Variants in TTLL7 observed in about 807,000 individuals in gnomAD.
TTLL7 encodes tubulin polyglutamylase TTLL7.
Under a neutral mutation model 120.2 loss-of-function variants are expected in TTLL7, and 53 were observed. The ratio of observed to expected loss-of-function variants is 0.44; its 90% CI spans 0.35 to 0.55. TTLL7 has a LOEUF of 0.55. TTLL7 is among the 20% of genes least tolerant of loss of function. TTLL7 has a pLI of 0.00. For missense variants in TTLL7, 803 were observed against 1,054.7 expected, an observed-to-expected ratio of 0.76 and a Z score of 3.31; for synonymous variants, 353 against 351.7, an observed-to-expected ratio of 1.00 and a Z score of -0.04.
chr1:83,872,442 A>C (rs921801311), intron 20 of TTLL7, among the ~76,000 whole-genome samples: 2 of 152,206 alleles, frequency 1.3e-5, no homozygotes, highest in African/African-American at 2.4e-5. Context: ...CTGCCATGAA[A>C]AGGCTATCCT....
At chr1:83,976,051 GTGTGTGTGTGTGTGTGTGTGTGTGTC>G (rs1214616312) in intron 1 of TTLL7, among the ~76,000 whole-genome samples, 1 of 150,486 alleles carries the variant, frequency 6.6e-6, no homozygotes, top group African/African-American at 2.5e-5. Flanking sequence ...GTGTGTGTGT[GTGTGTGTGTGTGTGTGTGTGTGTGTC>G]TGTGTGTGTA....
intron 1 of TTLL7, chr1:83,979,612 TA>T (rs1477364645): frequency 6.6e-6 from 1 of 152,220 alleles, no homozygotes; most frequent in Admixed American, 6.5e-5. Context: ...GGGAAAGAAC[TA>T]TTATCATCCT....
intron 13 of TTLL7, 70 bp from the exon 14 acceptor site, chr1:83,917,760 TC>T: frequency 2.0e-6 from 2 of 989,568 alleles, no homozygotes; most frequent in Non-Finnish European, 3.1e-6. Context: ...TTGATTAATC[TC>T]CACAAAATAA....
chr1:83,875,500 A>T (rs1025852640), intron 20 of TTLL7, among the ~76,000 whole-genome samples: 36 of 152,002 alleles, frequency 2.4e-4, no homozygotes, highest in African/African-American at 8.4e-4. Flanking sequence ...AATCATTCTA[A>T]TAAGGGTCTT....
At chr1:83,902,114 C>T (rs1235417408) in intron 18 of TTLL7, 1 of 151,926 alleles carries the variant, frequency 6.6e-6, no homozygotes. Flanking sequence ...AATAAATGCT[C>T]TTGATTAGGA....
chr1:83,913,783 A>C (rs1657870011), intron 14 of TTLL7, among the ~76,000 whole-genome samples: 1 of 150,540 alleles, frequency 6.6e-6, no homozygotes, highest in Non-Finnish European at 1.5e-5. Context: ...AATCAGACAA[A>C]GTGAATTCTT....
chr1:83,986,136 C>T (rs1269426864), intron 1 of TTLL7, among the ~76,000 whole-genome samples: 3 of 152,166 alleles, frequency 2.0e-5, no homozygotes, highest in Admixed American at 6.5e-5. Flanking sequence ...ATATTTCATT[C>T]ACTTAGATGC....
At chr1:83,965,459 C>A (rs1047155688) in intron 1 of TTLL7, among the ~76,000 whole-genome samples, 1 of 152,084 alleles carries the variant, frequency 6.6e-6, no homozygotes, top group African/African-American at 2.4e-5. Context: ...GCCTCCCAAG[C>A]CATGCAGAAC....
chr1:83,980,973 A>G (rs1227391203), intron 1 of TTLL7: 2 of 152,104 alleles, frequency 1.3e-5, no homozygotes, highest in African/African-American at 4.8e-5. Context: ...CACTAAGAAA[A>G]ATAGTAATAC....
chr1:83,926,303 C>A (rs200745719), intron 10 of TTLL7, among the ~76,000 whole-genome samples: 1 of 152,044 alleles, frequency 6.6e-6, no homozygotes, highest in African/African-American at 2.4e-5. Context: ...TCCATTCATT[C>A]ATTTATTTAT....
At chr1:83,978,841 T>C (rs1651719815) in intron 1 of TTLL7, among the ~76,000 whole-genome samples, 1 of 152,210 alleles carries the variant, frequency 6.6e-6, no homozygotes, top group South Asian at 2.1e-4. Context: ...AATTAGTTGC[T>C]TACAATTTCA....
chr1:83,972,741 TGTGA>T (rs1651106329), intron 1 of TTLL7, among the ~76,000 whole-genome samples: 1 of 152,080 alleles, frequency 6.6e-6, no homozygotes, highest in Non-Finnish European at 1.5e-5. Context: ...TACTTGGTGT[TGTGA>T]GTGTTTTGGA....
Position 83,958,203 on chromosome 1 carries a change from C to T in TTLL7, c.-176-5816G>A, listed in dbSNP as rs1185493070. Among the ~76,000 whole-genome samples the T allele has an allele frequency of 4.6e-5, 7 of 152,252 alleles. No homozygotes were observed. The South Asian group carries it at 6.2e-4, about 14-fold the overall frequency. On this transcript the variant is annotated intron_variant, in intron 1 of 20. Transcript: ENST00000260505. ...AAACCCTAAAAGATAGATTATTATC[C>T]TCATTGATAATCGTTTAAAGAAAAG...
chr1:83,906,348 G>C lies in TTLL7; in HGVS notation c.2108C>G (p.Ser703Ter). 6.2e-7 allele frequency: 1 copy of C among 1,612,126 alleles called. No individual in the cohort carries two copies. Among genetic ancestry groups the C allele is most frequent in the East Asian group, 2.2e-5 (1 of 44,718 alleles). ...IRFPGKSDAE[S>*]ELLIEDIIDN... Reference sequence around the variant, plus strand: ...ACTCACATCTTCTATCAGAAGTTCTGATTCTGCATCTGACTTTCCTGGAAA... The same window carrying C: ...ACTCACATCTTCTATCAGAAGTTCTCATTCTGCATCTGACTTTCCTGGAAA... Residue 703 changes from serine (S) to a stop codon, truncating the protein, a stop_gained, in exon 17 of 21, where the codon TCA (serine) becomes TGA (stop). Transcript: ENST00000260505. LOFTEE classifies it high-confidence loss of function.
At chr1:83,913,631 A>T (rs900319030) in intron 14 of TTLL7, among the ~76,000 whole-genome samples, 1 of 152,220 alleles carries the variant, frequency 6.6e-6, no homozygotes, top group Non-Finnish European at 1.5e-5. Flanking sequence ...AGTTATAAAG[A>T]TTCTTCTACT....
chr1:83,970,923 C>G (rs986005916), intron 1 of TTLL7, among the ~76,000 whole-genome samples: 3 of 151,924 alleles, frequency 2.0e-5, no homozygotes, highest in Non-Finnish European at 4.4e-5. Context: ...GTTAACCCAA[C>G]TAGGGTCAAC....
At chr1:83,976,993 G>C (rs896566546) in intron 1 of TTLL7, among the ~76,000 whole-genome samples, 7 of 151,722 alleles carry the variant, frequency 4.6e-5, no homozygotes, top group African/African-American at 1.2e-4. Context: ...CCATTTTATT[G>C]TGTCTTTCCC....
In TTLL7 at chr1:83,978,381, C is replaced by T. The variant is rs75294379; in HGVS notation, c.-177+20550G>A. On this transcript the variant is annotated intron_variant, in intron 1 of 20. Transcript: ENST00000260505. ...GAGGAAACAGCCTAACCAAGGGACCCTTAACCAGAACCCTATCCAAAGCTC... is the reference window on the plus strand; with the variant it reads ...GAGGAAACAGCCTAACCAAGGGACCTTTAACCAGAACCCTATCCAAAGCTC... Among the ~76,000 whole-genome samples, 459 of 152,186 alleles carry T rather than the reference C, an allele frequency of 3.0e-3. 2 individuals are homozygous for T. Among genetic ancestry groups the T allele is most frequent in the African/African-American group, 0.01 (424 of 41,538 alleles).
chr1:83,942,639 C>G lies in TTLL7; in HGVS notation c.547G>C (p.Asp183His). ...ATGTATTCTTGAACAATCAAATGAT[C>G]CTGAGATGGAAGTTTGTCACCATTT... Reference protein sequence around the residue: ...IRNGDKLPSQDHLIVQEYIEK... With the variant: ...IRNGDKLPSQHHLIVQEYIEK... The change falls in exon 7 of 21, where the codon GAT becomes CAT. Residue 183 changes from aspartate to histidine, a missense_variant. Around this residue, in one of 3 missense-constraint regions of TTLL7, gnomAD observed 324 missense variants for 507.7 expected, o/e 0.64. Transcript: ENST00000260505. 5 of 1,613,526 alleles carry G rather than the reference C, an allele frequency of 3.1e-6. No individual in the cohort carries two copies. The highest frequency in any genetic ancestry group is 4.2e-6 in the Non-Finnish European group (5 of 1,179,742).
Sources: gnomAD v4.1 joint callset for allele counts (sites outside exome capture counted in the v4.1 genomes callset) on GRCh38, gnomAD v4.1.1 for gene constraint, gnomAD v4.1.1 regional missense constraint, MANE v1.5 for transcripts, NCBI Gene and HGNC (gene_info 2026-07-23, HGNC 2026-07-21) for gene names.